Variants in PLCB1 observed in about 807,000 individuals in gnomAD.
The protein encoded by PLCB1 is phospholipase C beta 1.
In PLCB1, 46 loss-of-function variants were observed where a neutral mutation model predicts 161.8. The ratio of observed to expected loss-of-function variants is 0.28; its 90% CI spans 0.22 to 0.36. The LOEUF is 0.36. PLCB1 is among the 10% of genes least tolerant of loss of function. The probability of loss-of-function intolerance (pLI) is 1.00; values close to 1 mark genes in which losing one functional copy is unlikely to be tolerated. For missense variants in PLCB1, 1,016 were observed against 1,472.5 expected, an observed-to-expected ratio of 0.69 and a Z score of 5.07; for synonymous variants, 517 against 503.7, an observed-to-expected ratio of 1.03 and a Z score of -0.35.
At chr20:8,218,050 A>G (rs934679154) in intron 2 of PLCB1, among the ~76,000 whole-genome samples, 2 of 152,202 alleles carry the variant, frequency 1.3e-5, no homozygotes, top group Non-Finnish European at 2.9e-5. Context: ...AACATGGACT[A>G]AGACAGGTGG....
intron 4 of PLCB1, among the ~76,000 whole-genome samples, chr20:8,644,570 T>C (rs528573755): frequency 6.7e-5 from 10 of 149,910 alleles, no homozygotes; most frequent in African/African-American, 2.5e-4. Flanking sequence ...AGCCGCCCCG[T>C]CTGAGAAGTG....
rs761202873 is a variant in PLCB1, at chr20:8,685,002, A to G, written c.933A>G (p.Lys311=). 1 of 1,613,786 alleles carries G rather than the reference A, an allele frequency of 6.2e-7. No homozygotes were observed. Among genetic ancestry groups the G allele is most frequent in the East Asian group, 2.2e-5 (1 of 44,880 alleles). Residue 311 remains lysine (K), a synonymous_variant, in exon 10 of 32, where the codon AAA becomes AAG. Transcript: ENST00000338037. ...AAAACGGAGTCGTTTCACCTGAGAA[A>G]CTGGATTTGAATGAAGACATGTCTC... The part of the protein sequence containing the change: ...GEENGVVSPE[K]LDLNEDMSQP...
At chr20:8,852,187 C>T (rs963041270) in intron 31 of PLCB1, among the ~76,000 whole-genome samples, 2 of 152,200 alleles carry the variant, frequency 1.3e-5, no homozygotes, top group African/African-American at 4.8e-5. Context: ...TACTAAGTGT[C>T]ATTTCTAAAT....
intron 26 of PLCB1, among the ~76,000 whole-genome samples, chr20:8,770,849 C>CTT (rs1029133155): frequency 6.6e-6 from 1 of 152,194 alleles, no homozygotes; most frequent in African/African-American, 2.4e-5. Context: ...CCCATCTTGA[C>CTT]TTTTCCCTTT....
At chr20:8,660,010 A>G (rs1255958143) in intron 9 of PLCB1, among the ~76,000 whole-genome samples, 1 of 129,248 alleles carries the variant, frequency 7.7e-6, no homozygotes, top group Admixed American at 7.9e-5. Flanking sequence ...AAAAAAAAAG[A>G]AGAAGAAGAA....
intron 24 of PLCB1, among the ~76,000 whole-genome samples, chr20:8,757,510 G>A (rs928703918): frequency 1.3e-5 from 2 of 152,164 alleles, no homozygotes; most frequent in Non-Finnish European, 2.9e-5. Flanking sequence ...CCTTAGAAGT[G>A]CATTCTTAGT....
intron 3 of PLCB1, among the ~76,000 whole-genome samples, chr20:8,593,972 C>T (rs1318484944): frequency 1.3e-5 from 2 of 152,166 alleles, no homozygotes; most frequent in Non-Finnish European, 2.9e-5. Flanking sequence ...GCAGCCTCAA[C>T]CTCCTGGGCT....
intron 27 of PLCB1, among the ~76,000 whole-genome samples, chr20:8,775,646 T>C (rs1329964689): frequency 1.3e-5 from 2 of 152,184 alleles, no homozygotes; most frequent in African/African-American, 4.8e-5. Context: ...CTGTATGCAA[T>C]GAGTAGATCA....
At chr20:8,188,011 C>G (rs1326214300) in intron 2 of PLCB1, among the ~76,000 whole-genome samples, 1 of 152,092 alleles carries the variant, frequency 6.6e-6, no homozygotes, top group South Asian at 2.1e-4. Context: ...CTCTAGCTCT[C>G]TCATGCGTGG....
chr20:8,593,744 A>G (rs6086527), intron 3 of PLCB1, among the ~76,000 whole-genome samples: 1 of 152,088 alleles, frequency 6.6e-6, no homozygotes, highest in Non-Finnish European at 1.5e-5. Flanking sequence ...CTAAGAATGT[A>G]TCATTTTATA....
At chr20:8,164,137 T>G (rs1489799262) in intron 2 of PLCB1, among the ~76,000 whole-genome samples, 1 of 152,332 alleles carries the variant, frequency 6.6e-6, no homozygotes, top group South Asian at 2.1e-4. Context: ...CCAAAGTGAC[T>G]TTCAGGTGTC....
At chr20:8,267,019 G>A (rs546615883) in intron 2 of PLCB1, among the ~76,000 whole-genome samples, 30 of 148,846 alleles carry the variant, frequency 2.0e-4, no homozygotes, top group South Asian at 1.1e-3. Flanking sequence ...TCTGGGCAAC[G>A]AGAGCGAGAC....
rs79926280 is a variant in PLCB1 at position 8,222,000 on chromosome 20, T to C, written c.177+71629T>C. Among the ~76,000 whole-genome samples, 433 of 152,304 alleles carry C rather than the reference T, an allele frequency of 2.8e-3. 1 individual carries two copies. Among genetic ancestry groups the C allele is most frequent in the African/African-American group, 0.01 (416 of 41,570 alleles). Reference sequence around the variant, plus strand: ...AGCTTTAATACTATATCTCATCATATAGAAATCATGCAATCATAGAGGCTC... The same window carrying C: ...AGCTTTAATACTATATCTCATCATACAGAAATCATGCAATCATAGAGGCTC... On this transcript the variant is annotated intron_variant, in intron 2 of 31. Coordinates refer to ENST00000338037, the MANE Select transcript of PLCB1 (RefSeq NM_015192.4).
Position 8,649,403 on chromosome 20 carries a change from A to C in PLCB1, c.548A>C (p.Lys183Thr). 6.2e-7 allele frequency: 1 copy of C among 1,613,710 alleles called. No homozygotes were observed. The highest frequency in any genetic ancestry group is 1.1e-5 in the South Asian group (1 of 91,078). ...TATCGCTTGTTTTCAGCAGATCGGA[A>C]GCGAGTTGAAACTGCTTTAGAGGCT... Reference protein sequence around the residue: ...NIYRLFSADRKRVETALEACS... With the variant: ...NIYRLFSADRTRVETALEACS... Residue 183 changes from lysine to threonine, a missense_variant, in exon 7 of 32, where the codon AAG becomes ACG. By Grantham distance (78) the Lys-to-Thr change is moderately conservative. Coordinates refer to ENST00000338037, the MANE Select transcript of PLCB1 (RefSeq NM_015192.4).
intron 2 of PLCB1, among the ~76,000 whole-genome samples, chr20:8,174,738 G>A (rs183900635): frequency 6.6e-6 from 1 of 152,212 alleles, no homozygotes; most frequent in East Asian, 1.9e-4. Flanking sequence ...CCCATAAAAT[G>A]TAATAAATCA....
intron 3 of PLCB1, among the ~76,000 whole-genome samples, chr20:8,425,663 C>T (rs1483229507): frequency 1.2e-4 from 19 of 152,076 alleles, no homozygotes; most frequent in Admixed American, 1.2e-3. Context: ...TGTTATCTTC[C>T]TTAAAACATA....
At chr20:8,873,161 G>GGTCCCATTTTCCCACGT (rs55878098) in intron 31 of PLCB1, among the ~76,000 whole-genome samples, 1 of 151,866 alleles carries the variant, frequency 6.6e-6, no homozygotes, top group Non-Finnish European at 1.5e-5. Context: ...TATAGCATGT[G>GGTCCCATTTTCCCACGT]GTCACTTTCC....
At chr20:8,750,874 T>G in intron 23 of PLCB1, 2 of 1,364,490 alleles carry the variant, frequency 1.5e-6, no homozygotes, top group Non-Finnish European at 2.0e-6. Context: ...GCCTTACCTC[T>G]TACCCATGTG....
At position 8,882,746 on chromosome 20, in the gene PLCB1, G is replaced by C. The variant is rs1988040194; in HGVS notation, c.*897G>C. ...ATGAACAGGTTCCGGTGGTTATTTT[G>C]CCGTTTGACATTTTTTATGGTTCAT... is the stretch of plus-strand genomic sequence containing the variant. On this transcript the variant is annotated 3_prime_UTR_variant, in exon 32 of 32. Coordinates refer to ENST00000338037, the MANE Select transcript of PLCB1 (RefSeq NM_015192.4). 6.6e-6 allele frequency: 1 copy of C among 152,126 alleles called. No individual in the cohort carries two copies. The highest frequency in any genetic ancestry group is 2.1e-4 in the South Asian group (1 of 4,810). 9.4% of individuals were successfully genotyped at this position (152,126 alleles called of 1,614,324 possible). A position where few individuals can be genotyped will look rare whatever the true frequency, so the allele number is the denominator to read the frequency against.
Sources: allele counts gnomAD v4.1 joint callset (sites outside exome capture counted in the v4.1 genomes callset), GRCh38; gene constraint gnomAD v4.1.1; transcripts MANE v1.5; gene names NCBI Gene and HGNC (gene_info 2026-07-23, HGNC 2026-07-21).